The following ZMIZ1 variants were observed in gnomAD, a reference collection of about 807,000 sequenced individuals.
ZMIZ1 encodes the protein zinc finger MIZ-type containing 1.
ZMIZ1 carries 17 observed loss-of-function variants against 113.9 expected under a neutral mutation model. The observed-to-expected ratio is 0.15, with a 90% confidence interval of 0.10 to 0.22. The LOEUF is 0.22. Among genes scored for constraint, ZMIZ1 ranks in the 10% least tolerant of loss-of-function variants. ZMIZ1 has a pLI of 1.00. For synonymous variants in ZMIZ1, 607 were observed against 603.1 expected (o/e 1.01, Z -0.09); for missense variants, 1,059 against 1,477.8 (o/e 0.72, Z 4.65).
chr10:79,140,627 A>G (rs1049305353), intron 3 of ZMIZ1, among the ~76,000 whole-genome samples: 5 of 151,548 alleles, frequency 3.3e-5, no homozygotes, highest in African/African-American at 1.2e-4. Context: ...ACACTCATCC[A>G]CCCATTCATC....
chr10:79,301,988 G>T, intron 17 of ZMIZ1, 119 bp from the exon 18 acceptor site: 6 of 935,548 alleles, frequency 6.4e-6, no homozygotes, highest in Non-Finnish European at 8.4e-6. Flanking sequence ...GAGACACCCT[G>T]GGGGAGCCTC....
intron 24 of ZMIZ1, among the ~76,000 whole-genome samples, chr10:79,312,200 A>T (rs1855217501): frequency 6.6e-6 from 1 of 152,176 alleles, no homozygotes; most frequent in Non-Finnish European, 1.5e-5. Flanking sequence ...AGCCCTTGAG[A>T]AGAGGGATGT....
chr10:79,213,425 T>C (rs1037995705), intron 6 of ZMIZ1, among the ~76,000 whole-genome samples: 1 of 152,196 alleles, frequency 6.6e-6, no homozygotes, highest in Non-Finnish European at 1.5e-5. Flanking sequence ...GGCCTTGACT[T>C]CCTCATCAGT....
At chr10:79,286,567 C>T (rs188085956) in intron 8 of ZMIZ1, among the ~76,000 whole-genome samples, 18 of 152,386 alleles carry the variant, frequency 1.2e-4, no homozygotes. Context: ...AGCAGGGCCT[C>T]GCGTGTGTGC....
chr10:79,279,057 G>A (rs1202137632), intron 8 of ZMIZ1, among the ~76,000 whole-genome samples: 1 of 140,262 alleles, frequency 7.1e-6, no homozygotes, highest in Non-Finnish European at 1.6e-5. Context: ...CGGCGGCCGG[G>A]CGGGGGCTGC....
chr10:79,142,809 G>T (rs1845329048), intron 3 of ZMIZ1, among the ~76,000 whole-genome samples: 1 of 152,164 alleles, frequency 6.6e-6, no homozygotes, highest in African/African-American at 2.4e-5. Flanking sequence ...TGCTTTCTGG[G>T]GCTCCTCCCC....
chr10:79,133,767 C>T (rs899135619), intron 2 of ZMIZ1, among the ~76,000 whole-genome samples: 14 of 152,214 alleles, frequency 9.2e-5, no homozygotes, highest in Non-Finnish European at 1.6e-4. Context: ...CCAGACCTCA[C>T]CCCTCTGTTT....
At chr10:79,144,371 C>G (rs1845400068) in intron 3 of ZMIZ1, among the ~76,000 whole-genome samples, 1 of 152,198 alleles carries the variant, frequency 6.6e-6, no homozygotes. Flanking sequence ...CTTAGACTAT[C>G]CAGGCTTATA....
chr10:79,271,174 C>T (rs117441584), intron 7 of ZMIZ1, among the ~76,000 whole-genome samples: 5,102 of 152,332 alleles, frequency 0.033, 131 homozygotes, highest in Middle Eastern at 0.058. Flanking sequence ...CCACCATCTC[C>T]ATGAACTTCT....
Position 79,080,274 on chromosome 10 carries a change from GAGA to G in ZMIZ1, c.-337+11008_-337+11010del, listed in dbSNP as rs1249740255. Among the ~76,000 whole-genome samples, 10 of 151,946 alleles carry G rather than the reference GAGA, an allele frequency of 6.6e-5. No homozygotes were observed. In the South Asian group the frequency reaches 1.9e-3, roughly 29 times the overall value. On this transcript the variant is annotated intron_variant, in intron 1 of 24. Coordinates refer to ENST00000334512, the MANE Select transcript of ZMIZ1 (RefSeq NM_020338.4). Reference sequence around the variant, plus strand: ...AACCTCCCTGCGCCTCAGATCCTGGGAGAAGAGCAGAAAGCTCGGGTGTGACTT... The same window carrying G: ...AACCTCCCTGCGCCTCAGATCCTGGGAGAGCAGAAAGCTCGGGTGTGACTT...
chr10:79,089,793 C>T (rs1332627583), intron 1 of ZMIZ1, among the ~76,000 whole-genome samples: 2 of 152,110 alleles, frequency 1.3e-5, no homozygotes, highest in South Asian at 2.1e-4. Context: ...CCCCCACCCC[C>T]TACCCCTCAG....
At chr10:79,255,044 A>G (rs1163673820) in intron 7 of ZMIZ1, among the ~76,000 whole-genome samples, 1 of 152,242 alleles carries the variant, frequency 6.6e-6, no homozygotes, top group East Asian at 1.9e-4. Flanking sequence ...CTCTGGTGCC[A>G]TGGATGCCTG....
At chr10:79,201,314 AAAG>A (rs368661505) in intron 4 of ZMIZ1, among the ~76,000 whole-genome samples, 141 of 152,346 alleles carry the variant, frequency 9.3e-4, no homozygotes, top group African/African-American at 3.0e-3. Flanking sequence ...ATCTCAAAAA[AAAG>A]AAAAGAGAAG....
At chr10:79,097,346 T>G (rs1051312057) in intron 1 of ZMIZ1, among the ~76,000 whole-genome samples, 4 of 152,214 alleles carry the variant, frequency 2.6e-5, no homozygotes, top group Admixed American at 6.5e-5. Flanking sequence ...GAATATCACC[T>G]GCTATTTCAG....
chr10:79,287,702 C>A (rs991331805), intron 8 of ZMIZ1, among the ~76,000 whole-genome samples: 1 of 152,188 alleles, frequency 6.6e-6, no homozygotes, highest in African/African-American at 2.4e-5. Flanking sequence ...GCTTTTTTCT[C>A]CCCTGCTGGT....
intron 7 of ZMIZ1, among the ~76,000 whole-genome samples, chr10:79,233,967 G>A (rs1849494132): frequency 1.3e-5 from 2 of 152,126 alleles, no homozygotes; most frequent in Non-Finnish European, 2.9e-5. Flanking sequence ...CTTGCCGGGG[G>A]AGTCAGGCGA....
intron 3 of ZMIZ1, among the ~76,000 whole-genome samples, chr10:79,157,626 C>T (rs989848885): frequency 7.2e-5 from 11 of 152,130 alleles, no homozygotes; most frequent in Admixed American, 2.0e-4. Flanking sequence ...CCTTCTGGCC[C>T]GTGGGCCTTG....
At chr10:79,275,323 AG>A (rs1315669069) in intron 7 of ZMIZ1, among the ~76,000 whole-genome samples, 2 of 152,126 alleles carry the variant, frequency 1.3e-5, no homozygotes, top group Non-Finnish European at 2.9e-5. Flanking sequence ...GACCCCACGG[AG>A]GGGGGCAGGA....
intron 4 of ZMIZ1, among the ~76,000 whole-genome samples, chr10:79,172,122 C>T (rs1564697029): frequency 6.6e-6 from 1 of 152,238 alleles, no homozygotes; most frequent in East Asian, 1.9e-4. Context: ...GCAGGGCTCA[C>T]AGCAGCTCAG....
Sources: allele counts gnomAD v4.1 joint callset (sites outside exome capture counted in the v4.1 genomes callset), GRCh38; gene constraint gnomAD v4.1.1; transcripts MANE v1.5; gene names NCBI Gene and HGNC (gene_info 2026-07-23, HGNC 2026-07-21).